The following KCNAB3 variants were observed in gnomAD, a reference collection of about 807,000 sequenced individuals.
KCNAB3 encodes potassium voltage-gated channel subfamily A regulatory beta subunit 3.
In KCNAB3, 62 loss-of-function variants were observed where a neutral mutation model predicts 67.7. The observed-to-expected ratio is 0.92, with a 90% confidence interval of 0.75 to 1.13. The LOEUF (loss-of-function observed/expected upper bound fraction) is 1.13, where lower values mean the gene tolerates loss of function less well. Among genes scored for constraint, KCNAB3 ranks in the 50% most tolerant of loss-of-function variants. The pLI is 0.00. For synonymous variants in KCNAB3, 212 were observed against 205.4 expected (o/e 1.03, Z -0.27); for missense variants, 514 against 522.9 (o/e 0.98, Z 0.17).
Position 7,923,191 on chromosome 17 carries a change from TG to T in KCNAB3, c.1138-13del. ...AGCTGGCTCAGCACCTGGAGGAGAG[TG>T]GGACGGTGGCGACGGCAGCCCATGC... On this transcript the variant is annotated splice_polypyrimidine_tract_variant and intron_variant, in intron 13 of 13. Coordinates refer to ENST00000303790, the MANE Select transcript of KCNAB3 (RefSeq NM_004732.4). 1 of 1,612,924 alleles carries T rather than the reference TG, an allele frequency of 6.2e-7. No individual in the cohort carries two copies.
At position 7,929,518 on chromosome 17, in the gene KCNAB3, G is replaced by T. The variant is rs564780367; in HGVS notation, c.-83C>A. 7.7e-4 allele frequency: 1,176 copies of T among 1,531,264 alleles called. 6 individuals are homozygous for T. The highest frequency in any genetic ancestry group is 1.7e-3 in the South Asian group (139 of 82,530). 94.9% of individuals were successfully genotyped at this position (1,531,264 alleles called of 1,614,324 possible). On this transcript the variant is annotated 5_prime_UTR_variant, in exon 1 of 14. Coordinates refer to ENST00000303790, the MANE Select transcript of KCNAB3 (RefSeq NM_004732.4). The surrounding 1 kb of genome is among the most constrained non-coding windows in gnomAD (Gnocchi z 5.7). ...AGCCCGAGGGCTGACGACCGGGGGCGTAGTGGGGCGAACCCCGGCAGAGCG... is the reference window on the plus strand; with the variant it reads ...AGCCCGAGGGCTGACGACCGGGGGCTTAGTGGGGCGAACCCCGGCAGAGCG...
chr17:7,923,061 G>A lies in KCNAB3; in HGVS notation c.*41C>T. The A allele has an allele frequency of 6.3e-7, 1 of 1,589,112 alleles. No homozygotes were observed. Among genetic ancestry groups the A allele is most frequent in the Non-Finnish European group, 8.6e-7 (1 of 1,157,552 alleles). On this transcript the variant is annotated 3_prime_UTR_variant, in exon 14 of 14. Transcript: ENST00000303790. Reference sequence around the variant, plus strand: ...GGCTGCGAGGAGCGGGGCTCGGGCGGGTGCAGCGACACCGGGTTGGGTCCC... The same window carrying A: ...GGCTGCGAGGAGCGGGGCTCGGGCGAGTGCAGCGACACCGGGTTGGGTCCC...
rs771704246 is a variant in KCNAB3 at position 7,923,533 on chromosome 17, G to A, written c.1060C>T (p.Arg354Cys). 10 of 1,610,116 alleles carry A rather than the reference G, an allele frequency of 6.2e-6. No homozygotes were observed. Among genetic ancestry groups the A allele is most frequent in the Middle Eastern group, 1.7e-4 (1 of 6,036 alleles). Residue 354 changes from arginine to cysteine, a missense_variant, in exon 13 of 14, where the codon CGC becomes TGC. Transcript: ENST00000303790. Reference sequence around the variant, plus strand: ...AAGACAGAGCTGACACCCTCACTGCGGAGACACCACGCTGGGGCCAGAGGA... The same window carrying A: ...AAGACAGAGCTGACACCCTCACTGCAGAGACACCACGCTGGGGCCAGAGGA... ...VAQLAIAWCL[R>C]SEGVSSVLLG...
In KCNAB3 at chr17:7,929,404, T is replaced by G. The variant is rs1567894896; in HGVS notation, c.32A>C (p.Asn11Thr). The change falls in exon 1 of 14, where the codon AAC becomes ACC. Residue 11 changes from asparagine to threonine, a missense_variant. Coordinates refer to ENST00000303790, the MANE Select transcript of KCNAB3 (RefSeq NM_004732.4). The surrounding 1 kb of genome is among the most constrained non-coding windows in gnomAD (Gnocchi z 5.7). MQVSIACTEQ[N>T]LRSRSSEDRL... Reference sequence around the variant, plus strand: ...GTCCTCACTGCTCCGGCTGCGAAGGTTCTGCTCGGTACACGCGATAGACAC... The same window carrying G: ...GTCCTCACTGCTCCGGCTGCGAAGGGTCTGCTCGGTACACGCGATAGACAC... 3.2e-6 allele frequency: 5 copies of G among 1,548,136 alleles called. No homozygotes were observed. Among genetic ancestry groups the G allele is most frequent in the Non-Finnish European group, 4.4e-6 (5 of 1,146,402 alleles).
rs142913186 is a variant in KCNAB3, at chr17:7,925,101, C to T, written c.621G>A (p.Met207Ile). 136 of 1,613,500 alleles carry T rather than the reference C, an allele frequency of 8.4e-5. No individual in the cohort carries two copies. In the African/African-American group the frequency reaches 1.4e-3, roughly 17 times the overall value. Residue 207 changes from methionine (M) to isoleucine (I), a missense_variant, in exon 8 of 14, where the codon ATG (methionine) becomes ATA (isoleucine). Physicochemically the swap from Met to Ile is conservative, Grantham distance 10 (BLOSUM62 1). Coordinates refer to ENST00000303790, the MANE Select transcript of KCNAB3 (RefSeq NM_004732.4). ...GTTTGGGGGTGCTGCTTTTACCCTC[C>T]ATAGGACAGTTGGGGTCTGAGCGAT... ...FANRSDPNCP[M>I]EEIVRAMTYV...
At position 7,923,767 on chromosome 17, in the gene KCNAB3, A is replaced by G. The variant is rs1377422861; in HGVS notation, c.992T>C (p.Met331Thr). Residue 331 changes from methionine (M) to threonine (T), a missense_variant, in exon 12 of 14, where the codon ATG becomes ACG. Physicochemically the swap from Met to Thr is moderately conservative, Grantham distance 81. Transcript: ENST00000303790. ...EDGKKQQAKVMDLLPVAHQLG... is the reference protein window; with the variant it reads ...EDGKKQQAKVTDLLPVAHQLG... ...CTGGTGAGCGACAGGAAGAAGGTCC[A>G]TGACTTTGGCTTGTTGCTTCTTGCC... 1.3e-6 allele frequency: 2 copies of G among 1,580,084 alleles called. No individual in the cohort carries two copies. Among genetic ancestry groups the G allele is most frequent in the African/African-American group, 2.7e-5 (2 of 74,334 alleles).
chr17:7,923,889 T>A, intron 11 of KCNAB3, 58 bp from the exon 12 acceptor site: 2 of 1,560,856 alleles, frequency 1.3e-6, no homozygotes, highest in South Asian at 2.3e-5. Context: ...ACCACCACAC[T>A]CACAAAGCAG....
chr17:7,925,477 C>T (rs1015641615), intron 7 of KCNAB3: 5 of 622,340 alleles, frequency 8.0e-6, no homozygotes, highest in African/African-American at 1.9e-5. Flanking sequence ...TGCAGTGAGC[C>T]GAGATCGTGC....
Position 7,927,341 on chromosome 17 carries a change from T to C in KCNAB3, c.404+3A>G. 6.2e-7 allele frequency: 1 copy of C among 1,613,430 alleles called. No homozygotes were observed. The highest frequency in any genetic ancestry group is 8.5e-7 in the Non-Finnish European group (1 of 1,179,746). On this transcript the variant is annotated splice_donor_region_variant and intron_variant, in intron 4 of 13. Transcript: ENST00000303790. ...AGCTTAGCTCTTTCACCCCAGTCCTTACTTTCCTGCTGCGTACACTTCGGC... is the reference window on the plus strand; with the variant it reads ...AGCTTAGCTCTTTCACCCCAGTCCTCACTTTCCTGCTGCGTACACTTCGGC...
chr17:7,922,760 T>TTTTTG lies in KCNAB3; in HGVS notation c.*337_*341dup, dbSNP rs1238946809. The TTTTTG allele has an allele frequency of 1.1e-4, 40 of 373,374 alleles. No individual in the cohort carries two copies. The highest frequency in any genetic ancestry group is 7.5e-4 in the African/African-American group (37 of 49,248). 23.1% of individuals were successfully genotyped at this position (373,374 alleles called of 1,614,324 possible). The stretch of plus-strand genomic sequence containing the variant: ...GTTTCTTGTATGTGCTGGGTTTTTG[T>TTTTTG]TTTTGTTTTCTTTTCTGGGCCTCGG... On this transcript the variant is annotated 3_prime_UTR_variant, in exon 14 of 14. Transcript: ENST00000303790.
rs1263339566 is a variant in KCNAB3 at position 7,926,103 on chromosome 17, C to A, written c.405G>T (p.Lys135Asn). 1 of 1,614,096 alleles carries A rather than the reference C, an allele frequency of 6.2e-7. No homozygotes were observed. The highest frequency in any genetic ancestry group is 8.5e-7 in the Non-Finnish European group (1 of 1,180,012). The change falls in exon 5 of 14, where the codon AAG becomes AAT. Residue 135 changes from lysine (K) to asparagine (N), a missense_variant and splice_region_variant. By Grantham distance (94) the Lys-to-Asn change is moderately conservative. Transcript: ENST00000303790. The part of the protein sequence containing the change: ...FDTAEVYAAG[K>N]AERTLGNILK... ...GGATGTTCCCTAGGGTTCTTTCAGC[C>A]CTAAAAGAAACATAAGGCAGAGCCA...
At chr17:7,925,855 T>TGC in intron 6 of KCNAB3, 76 bp downstream of exon 6, 3 of 1,547,842 alleles carry the variant, frequency 1.9e-6, no homozygotes, top group Non-Finnish European at 2.7e-6. Context: ...AGGATAGCTG[T>TGC]CCCCACCCCC....
Position 7,927,696 on chromosome 17 carries a change from T to A in KCNAB3, c.287-2A>T. ...GAGAACCAAATGTGACCCAGGTACCTGCAAGAGAGAAGCCAGGCACATGAG... is the reference window on the plus strand; with the variant it reads ...GAGAACCAAATGTGACCCAGGTACCAGCAAGAGAGAAGCCAGGCACATGAG... On this transcript the variant is annotated splice_acceptor_variant, in intron 2 of 13. Coordinates refer to ENST00000303790, the MANE Select transcript of KCNAB3 (RefSeq NM_004732.4). LOFTEE classifies it high-confidence loss of function. 1 of 1,614,198 alleles carries A rather than the reference T, an allele frequency of 6.2e-7. No individual in the cohort carries two copies. The highest frequency in any genetic ancestry group is 8.5e-7 in the Non-Finnish European group (1 of 1,180,028).
In KCNAB3 at chr17:7,929,253, G is replaced by A; in HGVS notation, c.183C>T (p.Pro61=). The A allele has an allele frequency of 1.2e-6, 2 of 1,608,558 alleles. No homozygotes were observed. Among genetic ancestry groups the A allele is most frequent in the Non-Finnish European group, 8.5e-7 (1 of 1,178,178 alleles). The change falls in exon 1 of 14, where the codon CCC becomes CCT. Residue 61 remains proline (P), a synonymous_variant. Coordinates refer to ENST00000303790, the MANE Select transcript of KCNAB3 (RefSeq NM_004732.4). The surrounding 1 kb of genome is among the most constrained non-coding windows in gnomAD (Gnocchi z 5.7). ...PKARAALVPR[P]PAPAGALRES... Reference sequence around the variant, plus strand: ...CTCGGAGGGCCCCAGCGGGCGCTGGGGGTCGGGGAACCAGTGCAGCTCGGG... The same window carrying A: ...CTCGGAGGGCCCCAGCGGGCGCTGGAGGTCGGGGAACCAGTGCAGCTCGGG...
In KCNAB3 at chr17:7,929,778, C is replaced by T. The variant is rs1344628725; in HGVS notation, c.-343G>A. 2 of 1,141,940 alleles carry T rather than the reference C, an allele frequency of 1.8e-6. No individual in the cohort carries two copies. Among genetic ancestry groups the T allele is most frequent in the Non-Finnish European group, 2.2e-6 (2 of 924,922 alleles). 70.7% of individuals were successfully genotyped at this position (1,141,940 alleles called of 1,614,324 possible). On this transcript the variant is annotated 5_prime_UTR_variant, in exon 1 of 14. Coordinates refer to ENST00000303790, the MANE Select transcript of KCNAB3 (RefSeq NM_004732.4). This position sits in a 1 kb window ranked among gnomAD's most constrained non-coding sequence, Gnocchi z 5.7. ...GATAAGGACCCAGGGGGAAGCGGGG[C>T]GGGAGAGAGATGCCACTTCAGCGCG... is the stretch of plus-strand genomic sequence containing the variant.
Position 7,929,519 on chromosome 17 carries a change from T to A in KCNAB3, c.-84A>T. 1.3e-6 allele frequency: 2 copies of A among 1,527,766 alleles called. No individual in the cohort carries two copies. The highest frequency in any genetic ancestry group is 1.8e-6 in the Non-Finnish European group (2 of 1,141,092). The allele number at this position is 1,527,766 out of a possible 1,614,324, so 94.6% of individuals were successfully genotyped here. The stretch of plus-strand genomic sequence containing the variant: ...GCCCGAGGGCTGACGACCGGGGGCG[T>A]AGTGGGGCGAACCCCGGCAGAGCGG... On this transcript the variant is annotated 5_prime_UTR_variant, in exon 1 of 14. Coordinates refer to ENST00000303790, the MANE Select transcript of KCNAB3 (RefSeq NM_004732.4). The surrounding 1 kb of genome is among the most constrained non-coding windows in gnomAD (Gnocchi z 5.7).
chr17:7,927,431 G>A lies in KCNAB3; in HGVS notation c.325-8C>T. On this transcript the variant is annotated splice_polypyrimidine_tract_variant and splice_region_variant and intron_variant, in intron 3 of 13. Coordinates refer to ENST00000303790, the MANE Select transcript of KCNAB3 (RefSeq NM_004732.4). ...CAGCACATCCTCTGCTGTCTAGGGA[G>A]GTGAAAGAGGTAAAGATCAACTACT... 6.2e-7 allele frequency: 1 copy of A among 1,613,460 alleles called. No homozygotes were observed. The highest frequency in any genetic ancestry group is 8.5e-7 in the Non-Finnish European group (1 of 1,179,646).
At position 7,922,715 on chromosome 17, in the gene KCNAB3, C is replaced by T. The variant is rs1330378713; in HGVS notation, c.*387G>A. 1 of 243,918 alleles carries T rather than the reference C, an allele frequency of 4.1e-6. No individual in the cohort carries two copies. The highest frequency in any genetic ancestry group is 2.2e-5 in the African/African-American group (1 of 45,556). 15.1% of individuals were successfully genotyped at this position (243,918 alleles called of 1,614,324 possible). On this transcript the variant is annotated 3_prime_UTR_variant, in exon 14 of 14. Transcript: ENST00000303790. ...ACCCTTTGATGACATTTCAAGGGCC[C>T]CTTTTGAGGTACACTGTATGTTTCT...
rs1407412020 is a variant in KCNAB3 at position 7,923,042 on chromosome 17, G to A, written c.*60C>T. The A allele has an allele frequency of 1.3e-6, 2 of 1,521,746 alleles. No individual in the cohort carries two copies. Among genetic ancestry groups the A allele is most frequent in the Admixed American group, 1.7e-5 (1 of 59,792 alleles). 94.3% of individuals were successfully genotyped at this position (1,521,746 alleles called of 1,614,324 possible). On this transcript the variant is annotated 3_prime_UTR_variant, in exon 14 of 14. Coordinates refer to ENST00000303790, the MANE Select transcript of KCNAB3 (RefSeq NM_004732.4). ...GATCCGGAGCGGGAGAGGCGGCTGC[G>A]AGGAGCGGGGCTCGGGCGGGTGCAG... is the stretch of plus-strand genomic sequence containing the variant.
Sources: gnomAD v4.1 joint callset for allele counts on GRCh38, gnomAD v4.1.1 for gene constraint, Gnocchi (gnomAD v3.1) non-coding constraint, MANE v1.5 for transcripts, NCBI Gene and HGNC (gene_info 2026-07-23, HGNC 2026-07-21) for gene names.